FRMD4A: variants seen among roughly 807,000 people sequenced by gnomAD.
FRMD4A encodes FERM domain-containing protein 4A.
FRMD4A carries 29 observed loss-of-function variants against 129.1 expected under a neutral mutation model. That is an observed-to-expected ratio of 0.22 (90% CI 0.17 to 0.31). FRMD4A has a LOEUF of 0.31. Among genes scored for constraint, FRMD4A ranks in the 10% least tolerant of loss-of-function variants. FRMD4A has a pLI of 1.00. For missense variants in FRMD4A, 1,272 were observed against 1,375.8 expected (o/e 0.92, Z 1.19); for synonymous variants, 634 against 571.6 (o/e 1.11, Z -1.56).
At chr10:14,168,560 C>G (rs777818331) in intron 2 of FRMD4A, among the ~76,000 whole-genome samples, 38 of 152,286 alleles carry the variant, frequency 2.5e-4, no homozygotes, top group Admixed American at 5.2e-4. Flanking sequence ...AAGCATCACC[C>G]AGAAGATAGG....
At chr10:14,188,836 G>A (rs1564374370) in intron 2 of FRMD4A, among the ~76,000 whole-genome samples, 1 of 152,134 alleles carries the variant, frequency 6.6e-6, no homozygotes, top group South Asian at 2.1e-4. Flanking sequence ...AGCCTGGGAG[G>A]TTAAGGCAGC....
At chr10:13,928,261 A>G (rs1320486027) in intron 2 of FRMD4A, among the ~76,000 whole-genome samples, 2 of 152,066 alleles carry the variant, frequency 1.3e-5, no homozygotes, top group Non-Finnish European at 2.9e-5. Context: ...GGCTCAAGCA[A>G]TCCGCTCACC....
chr10:13,941,307 C>T (rs2095290428), intron 2 of FRMD4A, among the ~76,000 whole-genome samples: 1 of 152,154 alleles, frequency 6.6e-6, no homozygotes, highest in Admixed American at 6.5e-5. Flanking sequence ...TTGTCTGCTG[C>T]CATATAAGAC....
chr10:14,262,592 C>T (rs1435762209), intron 2 of FRMD4A, among the ~76,000 whole-genome samples: 1 of 152,158 alleles, frequency 6.6e-6, no homozygotes, highest in African/African-American at 2.4e-5. Flanking sequence ...CCTCATTCTC[C>T]TGACTCAGTC....
intron 2 of FRMD4A, among the ~76,000 whole-genome samples, chr10:14,297,718 G>A (rs1356142398): frequency 1.3e-5 from 2 of 152,158 alleles, no homozygotes; most frequent in African/African-American, 4.8e-5. Context: ...CAGAGGACCT[G>A]TAACCTGGCC....
chr10:13,988,749 T>C (rs1162807549), intron 2 of FRMD4A, among the ~76,000 whole-genome samples: 1 of 152,226 alleles, frequency 6.6e-6, no homozygotes, highest in Non-Finnish European at 1.5e-5. Context: ...TGTAGATTTC[T>C]ATAGAGATCT....
intron 2 of FRMD4A, among the ~76,000 whole-genome samples, chr10:14,267,373 C>A (rs1476820793): frequency 2.0e-5 from 3 of 152,182 alleles, no homozygotes; most frequent in Admixed American, 6.5e-5. Context: ...CTTATAATAT[C>A]CCTGGTAAGT....
intron 2 of FRMD4A, among the ~76,000 whole-genome samples, chr10:13,903,350 C>T (rs748020953): frequency 1.3e-4 from 20 of 152,156 alleles, no homozygotes; most frequent in Non-Finnish European, 1.8e-4. Context: ...GTCCTTCCCA[C>T]GAGAGCAGGG....
chr10:13,777,791 ATTTTTTTT>A (rs34059772), intron 6 of FRMD4A, among the ~76,000 whole-genome samples: 62 of 85,988 alleles, frequency 7.2e-4, no homozygotes, highest in African/African-American at 2.4e-3. Context: ...CTTTGGGTCA[ATTTTTTTT>A]TTTTTTTTTT....
intron 2 of FRMD4A, among the ~76,000 whole-genome samples, chr10:13,966,647 G>C (rs1322380597): frequency 6.6e-6 from 1 of 152,254 alleles, no homozygotes; most frequent in South Asian, 2.1e-4. Flanking sequence ...GCTGTTTAGA[G>C]AAGGGGACTG....
chr10:14,102,645 C>T (rs1011116858), intron 2 of FRMD4A, among the ~76,000 whole-genome samples: 1 of 152,102 alleles, frequency 6.6e-6, no homozygotes, highest in African/African-American at 2.4e-5. Flanking sequence ...AGGGATACTT[C>T]AGAGAAGCTT....
chr10:14,218,955 CAAAAAAAAAAAAAAAAAAAAAAAAAAAA>C (rs56064346), intron 2 of FRMD4A, among the ~76,000 whole-genome samples: 3 of 72,636 alleles, frequency 4.1e-5, no homozygotes, highest in Admixed American at 1.5e-4. Flanking sequence ...GACTTCATCT[CAAAAAAAAAAAAAAAAAAAAAAAAAAAA>C]AAAAAAAAAA....
chr10:14,039,410 CTAT>C (rs1833675306), intron 2 of FRMD4A, among the ~76,000 whole-genome samples: 32 of 112,738 alleles, frequency 2.8e-4, no homozygotes, highest in African/African-American at 7.3e-4. Flanking sequence ...ATCCATCCAT[CTAT>C]CTATCTATCT....
intron 3 of FRMD4A, among the ~76,000 whole-genome samples, chr10:13,817,334 C>T (rs758160525): frequency 1.1e-4 from 17 of 152,216 alleles, no homozygotes; most frequent in Non-Finnish European, 1.6e-4. Flanking sequence ...GAACTGTTCA[C>T]GTTCCCAGCA....
rs1224203239 is a variant in FRMD4A, at chr10:13,650,419, CTCGTGTATGTAT to C, written c.*2+1472_*2+1483del. On this transcript the variant is annotated intron_variant, in intron 24 of 24. Transcript: ENST00000357447. Reference sequence around the variant, plus strand: ...GTGCACATGTATGCATGAGCATGAACTCGTGTATGTATTCGTGTATGTATGTAGGTATTTCAA... The same window carrying C: ...GTGCACATGTATGCATGAGCATGAACTCGTGTATGTATGTAGGTATTTCAA... Among the ~76,000 whole-genome samples the C allele has an allele frequency of 5.1e-4, 77 of 150,414 alleles. No individual in the cohort carries two copies. In the East Asian group the frequency reaches 6.8e-3, roughly 13 times the overall value.
intron 2 of FRMD4A, among the ~76,000 whole-genome samples, chr10:13,908,927 C>T (rs1184745745): frequency 6.6e-6 from 1 of 152,144 alleles, no homozygotes; most frequent in Non-Finnish European, 1.5e-5. Flanking sequence ...ATGTGGGAAT[C>T]TTATATTTGT....
chr10:13,715,156 G>A (rs2088657683), intron 12 of FRMD4A, among the ~76,000 whole-genome samples: 1 of 152,124 alleles, frequency 6.6e-6, no homozygotes, highest in Non-Finnish European at 1.5e-5. Flanking sequence ...TGATTGTTTT[G>A]GTTTTCATTT....
At chr10:13,820,439 A>G (rs1390275295) in intron 3 of FRMD4A, among the ~76,000 whole-genome samples, 4 of 152,094 alleles carry the variant, frequency 2.6e-5, no homozygotes, top group Non-Finnish European at 5.9e-5. Context: ...GGGTCACTCC[A>G]TGGTGAAGCA....
chr10:14,100,711 A>G (rs1837258883), intron 2 of FRMD4A, among the ~76,000 whole-genome samples: 2 of 152,042 alleles, frequency 1.3e-5, no homozygotes, highest in Admixed American at 6.6e-5. Flanking sequence ...TAGAACATAT[A>G]TATATATATA....
Sources: allele counts gnomAD v4.1 joint callset (sites outside exome capture counted in the v4.1 genomes callset), GRCh38; gene constraint gnomAD v4.1.1; transcripts MANE v1.5; gene names NCBI Gene and HGNC (gene_info 2026-07-23, HGNC 2026-07-21).